Variants in DNAH10 observed in about 807,000 individuals in gnomAD.
DNAH10 encodes dynein axonemal heavy chain 10.
A neutral mutation model predicts 506.6 loss-of-function variants in DNAH10; 348 were observed. The observed-to-expected ratio is 0.69, with a 90% CI of 0.63 to 0.75. DNAH10 has a LOEUF of 0.75. Among genes scored for constraint, DNAH10 ranks in the 30% least tolerant of loss-of-function variants. The probability of loss-of-function intolerance (pLI) is 0.00; values close to 1 mark genes in which losing one functional copy is unlikely to be tolerated. For synonymous variants in DNAH10, 2,059 were observed against 2,198.6 expected, an observed-to-expected ratio of 0.94 and a Z score of 1.78; for missense variants, 5,179 against 5,787.1, an observed-to-expected ratio of 0.89 and a Z score of 3.41.
intron 56 of DNAH10, among the ~76,000 whole-genome samples, chr12:123,901,056 G>T (rs1408027303): frequency 1.3e-5 from 2 of 152,226 alleles, no homozygotes; most frequent in African/African-American, 4.8e-5. Flanking sequence ...CCTCTCTCCT[G>T]AGGGTGGCTC....
rs775480702 is a variant in DNAH10, at chr12:123,813,255, A to G, written c.3236A>G (p.Asp1079Gly). The G allele has an allele frequency of 1.2e-6, 2 of 1,614,086 alleles. No individual in the cohort carries two copies. The highest frequency in any genetic ancestry group is 1.3e-5 in the African/African-American group (1 of 74,928). Residue 1079 changes from aspartate (D) to glycine (G), a missense_variant, in exon 20 of 79, where the codon GAT (aspartate) becomes GGT (glycine). By Grantham distance (94) the Asp-to-Gly change is moderately conservative. Coordinates refer to ENST00000673944, the MANE Select transcript of DNAH10 (RefSeq NM_001372106.1). ...EEVVIINFYN[D>G]ISLNPQIIEQ... ...GTTGTTATAATAAACTTTTACAATG[A>G]TATCTCTCTGAACCCTCAGATAATT... is the stretch of plus-strand genomic sequence containing the variant.
intron 5 of DNAH10, among the ~76,000 whole-genome samples, chr12:123,779,825 A>C (rs1165670985): frequency 6.6e-6 from 1 of 152,210 alleles, no homozygotes; most frequent in Non-Finnish European, 1.5e-5. Context: ...AAATACATAT[A>C]GATTCAAAGA....
rs1272242205 is a variant in DNAH10 at position 123,801,286 on chromosome 12, C to A, written c.2468C>A (p.Thr823Lys). ...GACATTCCTGTCATGTGCAGGTACA[C>A]AGCTGGGATACAGCGCATGTTGGAT... ...ALQEDKFLRY[T>K]AGIQRMLDHY... is the part of the protein sequence containing the mutation. The change falls in exon 16 of 79, where the codon ACA becomes AAA. Residue 823 changes from threonine (T) to lysine (K), a missense_variant. Around this residue, in one of 3 missense-constraint regions of DNAH10, gnomAD observed 4,844 missense variants for 5,430.5 expected, o/e 0.89. Coordinates refer to ENST00000673944, the MANE Select transcript of DNAH10 (RefSeq NM_001372106.1). 3 of 1,613,822 alleles carry A rather than the reference C, an allele frequency of 1.9e-6. No homozygotes were observed. Among genetic ancestry groups the A allele is most frequent in the Non-Finnish European group, 2.5e-6 (3 of 1,179,860 alleles).
At chr12:123,900,826 T>G (rs1421617643) in intron 56 of DNAH10, among the ~76,000 whole-genome samples, 2 of 152,180 alleles carry the variant, frequency 1.3e-5, no homozygotes, top group East Asian at 3.9e-4. Flanking sequence ...CTGTCCATGC[T>G]GAGACTTTGG....
At chr12:123,878,782 C>T (rs1952372063) in intron 48 of DNAH10, among the ~76,000 whole-genome samples, 1 of 151,974 alleles carries the variant, frequency 6.6e-6, no homozygotes, top group Non-Finnish European at 1.5e-5. Context: ...ACCTGTAGTC[C>T]CAGCCACTTG....
rs561250882 is a variant in DNAH10, at chr12:123,790,035, A to G, written c.1729A>G (p.Met577Val). The G allele has an allele frequency of 5.0e-6, 8 of 1,614,132 alleles. No individual in the cohort carries two copies. The highest frequency in any genetic ancestry group is 6.8e-6 in the Non-Finnish European group (8 of 1,180,024). Residue 577 changes from methionine (M) to valine (V), a missense_variant, in exon 11 of 79, where the codon ATG (methionine) becomes GTG (valine). Around this residue, in one of 3 missense-constraint regions of DNAH10, gnomAD observed 4,844 missense variants for 5,430.5 expected, o/e 0.89. Transcript: ENST00000673944. ...LCRVDGLVTPMENLTFDPFSI... is the reference protein window; with the variant it reads ...LCRVDGLVTPVENLTFDPFSI... Reference sequence around the variant, plus strand: ...CAGAGTGGACGGCCTAGTCACCCCCATGGAAAACCTGACCTTTGACCCCTT... The same window carrying G: ...CAGAGTGGACGGCCTAGTCACCCCCGTGGAAAACCTGACCTTTGACCCCTT...
At chr12:123,896,142 CACACACAGAG>C (rs1233725986) in intron 54 of DNAH10, among the ~76,000 whole-genome samples, 43 of 113,700 alleles carry the variant, frequency 3.8e-4, no homozygotes, top group African/African-American at 1.9e-3. Flanking sequence ...CACACACACA[CACACACAGAG>C]AGAGAGAGAG....
chr12:123,932,521 C>T (rs2137746113), intron 76 of DNAH10: 1 of 171,516 alleles, frequency 5.8e-6, no homozygotes, highest in Middle Eastern at 2.9e-3. Context: ...CATTCTGGTG[C>T]ACATGTATAT....
chr12:123,797,385 C>G (rs1565915004), intron 13 of DNAH10, among the ~76,000 whole-genome samples: 1 of 146,420 alleles, frequency 6.8e-6, no homozygotes, highest in Non-Finnish European at 1.5e-5. Flanking sequence ...CCTTCTTTTT[C>G]TTTTCTTTTT....
intron 21 of DNAH10, among the ~76,000 whole-genome samples, chr12:123,815,478 T>C (rs1205449794): frequency 6.6e-6 from 1 of 152,198 alleles, no homozygotes; most frequent in Admixed American, 6.5e-5. Flanking sequence ...GACAGTTTCA[T>C]TTTAATTTTT....
Position 123,772,882 on chromosome 12 carries a change from A to AG in DNAH10, c.445_446insG (p.Thr149SerfsTer25). 1 of 1,612,812 alleles carries AG rather than the reference A, an allele frequency of 6.2e-7. No homozygotes were observed. Among genetic ancestry groups the AG allele is most frequent in the Non-Finnish European group, 8.5e-7 (1 of 1,179,502 alleles). On this transcript the variant is annotated frameshift_variant, in exon 4 of 79. Transcript: ENST00000673944. LOFTEE classifies it high-confidence loss of function. ...AAAGATGCATCTCCACATGCTCTGT[A>AG]CCCCTCTTCCCGAGGAGTTCCTGGA...
At chr12:123,789,780 C>A in intron 10 of DNAH10, 147 bp from the exon 11 acceptor site, 3 of 704,280 alleles carry the variant, frequency 4.3e-6, no homozygotes, top group Non-Finnish European at 6.9e-6. Context: ...CCTTGGGCAT[C>A]GTACCGAAGG....
chr12:123,839,056 C>T (rs1950672662), intron 29 of DNAH10, among the ~76,000 whole-genome samples: 1 of 152,144 alleles, frequency 6.6e-6, no homozygotes, highest in Admixed American at 6.5e-5. Flanking sequence ...TCAAGCAATG[C>T]TCCCACCTCG....
At position 123,917,654 on chromosome 12, in the gene DNAH10, G is replaced by A. The variant is rs1225397337; in HGVS notation, c.11073G>A (p.Glu3691=). The A allele has an allele frequency of 1.3e-6, 2 of 1,551,752 alleles. No individual in the cohort carries two copies. The highest frequency in any genetic ancestry group is 8.7e-7 in the Non-Finnish European group (1 of 1,147,102). Residue 3691 remains glutamate (E), a synonymous_variant, in exon 64 of 79, where the codon GAG becomes GAA. Coordinates refer to ENST00000673944, the MANE Select transcript of DNAH10 (RefSeq NM_001372106.1). The surrounding 1 kb of genome is among the most constrained non-coding windows in gnomAD (Gnocchi z 5.6). ...CTTACGAGAGGCGGGAGCTGGAGGA[G>A]CAGCGGGAGCACCTCATCCAGGAGA... The part of the protein sequence containing the change: ...LVAYERRELE[E]QREHLIQETS...
rs190725253 is a variant in DNAH10, at chr12:123,832,205, A to G, written c.4546-909A>G. ...ATATACACACGTACACATAATATAT[A>G]TACATGTATACATATACACATAATG... On this transcript the variant is annotated intron_variant, in intron 26 of 78. Coordinates refer to ENST00000673944, the MANE Select transcript of DNAH10 (RefSeq NM_001372106.1). 1.2e-4 allele frequency among the ~76,000 whole-genome samples: 18 copies of G among 152,310 alleles called. No homozygotes were observed. In the East Asian group the frequency reaches 1.9e-3, roughly 16 times the overall value.
intron 10 of DNAH10, among the ~76,000 whole-genome samples, chr12:123,789,119 G>A (rs1238159058): frequency 1.3e-5 from 2 of 151,464 alleles, no homozygotes; most frequent in Non-Finnish European, 2.9e-5. Context: ...GTGGTGGCGG[G>A]CGCCTGTAAT....
intron 30 of DNAH10, among the ~76,000 whole-genome samples, chr12:123,844,339 A>G (rs1950873958): frequency 1.3e-5 from 2 of 152,162 alleles, no homozygotes; most frequent in Non-Finnish European, 2.9e-5. Context: ...GAGCCAAACC[A>G]TATCAGGCAT....
At chr12:123,900,337 G>C (rs1953462718) in intron 56 of DNAH10, among the ~76,000 whole-genome samples, 1 of 152,168 alleles carries the variant, frequency 6.6e-6, no homozygotes, top group South Asian at 2.1e-4. Flanking sequence ...GTATTCATCT[G>C]TCCAGTCAGC....
Position 123,909,163 on chromosome 12 carries a change from C to G in DNAH10, c.9816-98C>G. On this transcript the variant is annotated intron_variant, in intron 57 of 78. Transcript: ENST00000673944. This position sits in a 1 kb window ranked among gnomAD's most constrained non-coding sequence, Gnocchi z 5.4. ...TTGCTTGCAGCAGTAGCTCCAGGGA[C>G]TGTCTTTTGGTTGAGCTCGTTTTTC... 3 of 1,468,170 alleles carry G rather than the reference C, an allele frequency of 2.0e-6. No homozygotes were observed. Among genetic ancestry groups the G allele is most frequent in the Non-Finnish European group, 2.8e-6 (3 of 1,078,804 alleles). 90.9% of individuals were successfully genotyped at this position (1,468,170 alleles called of 1,614,324 possible).
Sources: allele counts gnomAD v4.1 joint callset (sites outside exome capture counted in the v4.1 genomes callset), GRCh38; gene constraint gnomAD v4.1.1; regional missense constraint gnomAD v4.1.1; non-coding constraint Gnocchi (gnomAD v3.1); transcripts MANE v1.5; gene names NCBI Gene and HGNC (gene_info 2026-07-23, HGNC 2026-07-21).